CACNG4: variants seen among roughly 807,000 people sequenced by gnomAD.
CACNG4 encodes the protein calcium voltage-gated channel auxiliary subunit gamma 4.
A neutral mutation model predicts 22.9 loss-of-function variants in CACNG4; 8 were observed. That is an observed-to-expected ratio of 0.35 (90% CI 0.21 to 0.63). CACNG4 has a LOEUF of 0.63. CACNG4 is among the 30% of genes least tolerant of loss of function. The pLI, the probability that CACNG4 is intolerant of heterozygous loss-of-function variation, is 0.72. For synonymous variants in CACNG4, 188 were observed against 191.9 expected (o/e 0.98, Z 0.17); for missense variants, 357 against 455.4 (o/e 0.78, Z 1.97).
At chr17:66,981,781 G>C (rs1416458937) in intron 1 of CACNG4, among the ~76,000 whole-genome samples, 1 of 152,206 alleles carries the variant, frequency 6.6e-6, no homozygotes, top group East Asian at 1.9e-4. Flanking sequence ...CTGAGCCCTT[G>C]CTATGCACCA....
intron 1 of CACNG4, among the ~76,000 whole-genome samples, chr17:66,977,822 C>A (rs2035247110): frequency 2.0e-5 from 3 of 152,178 alleles, no homozygotes; most frequent in African/African-American, 7.2e-5. Flanking sequence ...TGGCTTCAGG[C>A]CGGGCATTGT....
chr17:67,001,373 C>T (rs182526233), intron 1 of CACNG4, among the ~76,000 whole-genome samples: 1 of 152,150 alleles, frequency 6.6e-6, no homozygotes, highest in Non-Finnish European at 1.5e-5. Context: ...CACCCCTGTC[C>T]CCTCCCCCTG....
At chr17:66,965,243 C>A in intron 1 of CACNG4, 112 bp downstream of exon 1, 1 of 659,024 alleles carries the variant, frequency 1.5e-6, no homozygotes, top group Non-Finnish European at 2.4e-6. Flanking sequence ...CACTGCCCGG[C>A]GCGCGGGCCG....
intron 1 of CACNG4, among the ~76,000 whole-genome samples, chr17:66,969,449 T>C (rs1207186940): frequency 6.6e-6 from 1 of 152,240 alleles, no homozygotes; most frequent in Non-Finnish European, 1.5e-5. Flanking sequence ...ACCTGTTTTG[T>C]GCCAGCTCTG....
At chr17:66,982,805 T>C (rs1205235474) in intron 1 of CACNG4, among the ~76,000 whole-genome samples, 1 of 152,216 alleles carries the variant, frequency 6.6e-6, no homozygotes, top group African/African-American at 2.4e-5. Flanking sequence ...ATCCTCCTGC[T>C]TCAGCCTCCC....
At chr17:66,969,437 G>A (rs775497707) in intron 1 of CACNG4, among the ~76,000 whole-genome samples, 5 of 152,222 alleles carry the variant, frequency 3.3e-5, no homozygotes, top group Admixed American at 6.5e-5. Flanking sequence ...GGTGGCCCCC[G>A]CACCTGTTTT....
intron 1 of CACNG4, among the ~76,000 whole-genome samples, chr17:67,001,899 C>T (rs2035410353): frequency 6.6e-6 from 1 of 152,200 alleles, no homozygotes; most frequent in South Asian, 2.1e-4. Flanking sequence ...GGGCCATGGA[C>T]ACCAGGTGTG....
intron 1 of CACNG4, among the ~76,000 whole-genome samples, chr17:66,994,149 G>A (rs1486904366): frequency 6.6e-6 from 1 of 151,990 alleles, no homozygotes; most frequent in Non-Finnish European, 1.5e-5. Context: ...TGGGCAACAT[G>A]GTGAAACCCT....
intron 1 of CACNG4, among the ~76,000 whole-genome samples, chr17:66,973,852 A>G (rs1291810932): frequency 4.6e-5 from 7 of 152,096 alleles, no homozygotes; most frequent in African/African-American, 1.4e-4. Context: ...TCTGCCCCCA[A>G]CGTCCCGTCC....
At position 66,991,716 on chromosome 17, in the gene CACNG4, A is replaced by G. The variant is rs150704313; in HGVS notation, c.221-26473A>G. ...CCTGAGTAAGACCTGACAACTCCCAACCACATGTTCATGATTCTCTGATAT... is the reference window on the plus strand; with the variant it reads ...CCTGAGTAAGACCTGACAACTCCCAGCCACATGTTCATGATTCTCTGATAT... On this transcript the variant is annotated intron_variant, in intron 1 of 3. Coordinates refer to ENST00000262138, the MANE Select transcript of CACNG4 (RefSeq NM_014405.4). Among the ~76,000 whole-genome samples, 142 of 152,250 alleles carry G rather than the reference A, an allele frequency of 9.3e-4. 7 individuals are homozygous for G. In the East Asian group the frequency reaches 0.017, roughly 18 times the overall value.
At chr17:67,004,496 A>G (rs2035426025) in intron 1 of CACNG4, among the ~76,000 whole-genome samples, 2 of 152,122 alleles carry the variant, frequency 1.3e-5, no homozygotes, top group African/African-American at 4.8e-5. Flanking sequence ...CCCCGATACA[A>G]CATCCTTCCT....
chr17:67,014,815 T>A (rs1372825000), intron 1 of CACNG4, among the ~76,000 whole-genome samples: 1 of 151,982 alleles, frequency 6.6e-6, no homozygotes, highest in Non-Finnish European at 1.5e-5. Flanking sequence ...TGCGTGCCTG[T>A]AGTCTCAGTT....
chr17:66,965,758 G>A (rs2035166170), intron 1 of CACNG4, among the ~76,000 whole-genome samples: 1 of 152,074 alleles, frequency 6.6e-6, no homozygotes, highest in South Asian at 2.1e-4. Flanking sequence ...GGTAGGGGCT[G>A]AGTTCCTAGC....
chr17:66,968,893 TTC>T (rs1262723721), intron 1 of CACNG4, among the ~76,000 whole-genome samples: 3 of 150,942 alleles, frequency 2.0e-5, no homozygotes, highest in Non-Finnish European at 4.4e-5. Context: ...CTCTATCTCT[TTC>T]TCTTTTTTCT....
At chr17:66,972,743 T>C (rs897252955) in intron 1 of CACNG4, among the ~76,000 whole-genome samples, 4 of 151,524 alleles carry the variant, frequency 2.6e-5, no homozygotes, top group Admixed American at 2.6e-4. Flanking sequence ...CTGGCCAACA[T>C]GGTGAAACCC....
chr17:66,969,132 G>A (rs902820039), intron 1 of CACNG4, among the ~76,000 whole-genome samples: 2 of 152,172 alleles, frequency 1.3e-5, no homozygotes, highest in African/African-American at 2.4e-5. Flanking sequence ...CAAACATCAC[G>A]GAACATGTAC....
chr17:67,004,586 A>G (rs1259955541), intron 1 of CACNG4, among the ~76,000 whole-genome samples: 1 of 152,168 alleles, frequency 6.6e-6, no homozygotes, highest in African/African-American at 2.4e-5. Flanking sequence ...GCGCTGAGAC[A>G]TGGAGTAGAG....
chr17:66,966,789 AAG>A (rs1330729847), intron 1 of CACNG4, among the ~76,000 whole-genome samples: 1 of 152,194 alleles, frequency 6.6e-6, no homozygotes, highest in Non-Finnish European at 1.5e-5. Flanking sequence ...AGCCACACAA[AAG>A]AGCCAGTGGG....
At chr17:66,972,311 C>T (rs373151471) in intron 1 of CACNG4, among the ~76,000 whole-genome samples, 4 of 152,148 alleles carry the variant, frequency 2.6e-5, no homozygotes, top group East Asian at 1.9e-4. Flanking sequence ...GGCTGCCCCT[C>T]GGAGCAGGGC....
Sources: gnomAD v4.1 joint callset for allele counts (sites outside exome capture counted in the v4.1 genomes callset) on GRCh38, gnomAD v4.1.1 for gene constraint, MANE v1.5 for transcripts, NCBI Gene and HGNC (gene_info 2026-07-23, HGNC 2026-07-21) for gene names.